ABLIM1: variants seen among roughly 807,000 people sequenced by gnomAD.
ABLIM1 encodes actin binding LIM protein 1, also known as actin-binding LIM protein 1.
ABLIM1 carries 40 observed loss-of-function variants against 107.0 expected under a neutral mutation model. The observed-to-expected ratio is 0.37, with a 90% CI of 0.29 to 0.49. ABLIM1 has a LOEUF of 0.49. Ranked by LOEUF, ABLIM1 falls within the 20% of genes least tolerant of loss-of-function variation. ABLIM1 has a pLI of 0.97. For missense variants in ABLIM1, 857 were observed against 1,008.5 expected (o/e 0.85, Z 2.04); for synonymous variants, 357 against 357.3 (o/e 1.00, Z 0.01).
At chr10:114,575,709 G>T in intron 2 of ABLIM1, 110 bp from the exon 3 acceptor site, 1 of 1,166,778 alleles carries the variant, frequency 8.6e-7, no homozygotes, top group Non-Finnish European at 1.2e-6. Flanking sequence ...ATGGTTTGGG[G>T]CTAGGGAGGG....
chr10:114,511,164 G>A (rs1463124464), intron 6 of ABLIM1, among the ~76,000 whole-genome samples: 3 of 151,986 alleles, frequency 2.0e-5, no homozygotes. Context: ...AGAATGAAAT[G>A]TTAAATTCTT....
At chr10:114,643,809 C>T (rs1295402530) in intron 1 of ABLIM1, among the ~76,000 whole-genome samples, 1 of 152,004 alleles carries the variant, frequency 6.6e-6, no homozygotes, top group East Asian at 1.9e-4. Context: ...CTTCTGGGCT[C>T]AAGCAATCCT....
At chr10:114,597,123 G>A (rs2075494013) in intron 2 of ABLIM1, among the ~76,000 whole-genome samples, 2 of 152,156 alleles carry the variant, frequency 1.3e-5, no homozygotes, top group Non-Finnish European at 1.5e-5. Context: ...CCCGAACATC[G>A]CCACTCTAGG....
At chr10:114,454,011 T>C (rs943132583) in intron 12 of ABLIM1, among the ~76,000 whole-genome samples, 3 of 152,226 alleles carry the variant, frequency 2.0e-5, no homozygotes, top group Non-Finnish European at 4.4e-5. Flanking sequence ...GTGCCTTCAA[T>C]TGCAGCGTGT....
chr10:114,741,032 C>CA (rs1184076703), intron 1 of ABLIM1, among the ~76,000 whole-genome samples: 233 of 131,052 alleles, frequency 1.8e-3, no homozygotes, highest in Middle Eastern at 3.9e-3. Flanking sequence ...GATCCTGTCT[C>CA]AAAAAAAAAA....
rs59512036 is a variant in ABLIM1, at chr10:114,486,290, A to T, written c.1041+1668T>A. Among the ~76,000 whole-genome samples the T allele has an allele frequency of 7.6e-3, 1,164 of 152,278 alleles. 20 individuals carry two copies. Among genetic ancestry groups the T allele is most frequent in the African/African-American group, 0.026 (1,089 of 41,550 alleles). ...ACATTCCACTCAGTCTGGCCTCATT[A>T]GCATTCCTCTCTTCATCTCCCAAAC... is the stretch of plus-strand genomic sequence containing the variant. On this transcript the variant is annotated intron_variant, in intron 8 of 22. Transcript: ENST00000533213.
chr10:114,674,700 T>C (rs1022571834), intron 1 of ABLIM1, among the ~76,000 whole-genome samples: 2 of 151,068 alleles, frequency 1.3e-5, no homozygotes, highest in Non-Finnish European at 2.9e-5. Context: ...ATCTTAATAA[T>C]TGTTATTCTT....
In ABLIM1 at chr10:114,561,777, A is replaced by G. The variant is rs985299969; in HGVS notation, c.673+9520T>C. Among the ~76,000 whole-genome samples, 6 of 152,232 alleles carry G rather than the reference A, an allele frequency of 3.9e-5. No individual in the cohort carries two copies. In the East Asian group the frequency reaches 1.2e-3, roughly 29 times the overall value. ...TCACATAAGACATATAACTGCTGAA[A>G]CAAAAACAGCAAATAACAAAATGCC... On this transcript the variant is annotated intron_variant, in intron 4 of 22. Coordinates refer to ENST00000533213, the MANE Select transcript of ABLIM1 (RefSeq NM_002313.7).
At chr10:114,776,293 G>A in the ABLIM1 span, 4 of 151,868 alleles carry the variant, frequency 2.6e-5, no homozygotes, top group Non-Finnish European at 4.4e-5. Flanking sequence ...ACCTTTGAAG[G>A]TAAAGCATAT....
rs181927836 is a variant in ABLIM1 at position 114,676,732 on chromosome 10, A to G, written c.64+7558T>C. 3.5e-4 allele frequency among the ~76,000 whole-genome samples: 54 copies of G among 152,170 alleles called. 2 individuals carry two copies. The highest frequency in any genetic ancestry group is 1.9e-4 in the East Asian group (1 of 5,150). On this transcript the variant is annotated intron_variant, in intron 1 of 23. Transcript: ENST00000369256. ...GGTTTTATTTTAATCATATGTATAT[A>G]AAATCAGTATGAAGCTTTTTTCTTT...
chr10:114,744,516 T>C (rs974422893), intron 1 of ABLIM1, among the ~76,000 whole-genome samples: 2 of 152,196 alleles, frequency 1.3e-5, no homozygotes, highest in Non-Finnish European at 2.9e-5. Context: ...CATGGTGGCA[T>C]GCGCCTGGTG....
rs540671848 is a variant in ABLIM1 at position 114,525,667 on chromosome 10, C to G, written c.894+19338G>C. Among the ~76,000 whole-genome samples, 4 of 152,298 alleles carry G rather than the reference C, an allele frequency of 2.6e-5. No homozygotes were observed. The East Asian group carries it at 7.7e-4, about 29-fold the overall frequency. On this transcript the variant is annotated intron_variant, in intron 6 of 22. Coordinates refer to ENST00000533213, the MANE Select transcript of ABLIM1 (RefSeq NM_002313.7). ...AGTTATTTTCACTTACTTGTCAGAA[C>G]CTGTTTTGGTAATCTAAATAACTTC...
intron 3 of ABLIM1, among the ~76,000 whole-genome samples, chr10:114,574,302 C>G (rs1046723464): frequency 6.6e-6 from 1 of 152,150 alleles, no homozygotes; most frequent in Non-Finnish European, 1.5e-5. Flanking sequence ...TGGTGAGTCT[C>G]CTAGTTACAG....
At chr10:114,763,145 A>G (rs1222769907) in intron 1 of ABLIM1, among the ~76,000 whole-genome samples, 2 of 152,174 alleles carry the variant, frequency 1.3e-5, no homozygotes, top group Non-Finnish European at 2.9e-5. Flanking sequence ...TGTGTCTTGC[A>G]TGGTGTATGT....
chr10:114,480,637 G>A (rs975572835), intron 8 of ABLIM1, among the ~76,000 whole-genome samples: 42 of 152,302 alleles, frequency 2.8e-4, no homozygotes, highest in African/African-American at 9.6e-4. Context: ...GGTAGTGATC[G>A]CTCAGAGTAT....
chr10:114,581,130 T>C (rs1465943094), intron 2 of ABLIM1, among the ~76,000 whole-genome samples: 1 of 152,064 alleles, frequency 6.6e-6, no homozygotes, highest in Non-Finnish European at 1.5e-5. Flanking sequence ...AACATGTACA[T>C]CCAAGAAATT....
At chr10:114,680,155 C>CT (rs34297577) in intron 1 of ABLIM1, among the ~76,000 whole-genome samples, 68,488 of 152,044 alleles carry the variant, frequency 0.45, 17,158 homozygotes, top group South Asian at 0.61. Context: ...AGATGGAACT[C>CT]TAATTGCCAA....
exon 1 of ABLIM1, chr10:114,684,481 C>G: frequency 6.9e-7 from 1 of 1,458,346 alleles, no homozygotes; most frequent in Middle Eastern, 2.5e-4. Flanking sequence ...GAACTGGACC[C>G]GAGGGAGGGG....
At chr10:114,617,035 C>T (rs1010494305) in intron 1 of ABLIM1, among the ~76,000 whole-genome samples, 4 of 152,122 alleles carry the variant, frequency 2.6e-5, no homozygotes, top group African/African-American at 7.2e-5. Flanking sequence ...TTTATAAACA[C>T]GACTTACTTT....
Sources: gnomAD v4.1 joint callset for allele counts (sites outside exome capture counted in the v4.1 genomes callset) on GRCh38, gnomAD v4.1.1 for gene constraint, MANE v1.5 for transcripts, NCBI Gene and HGNC (gene_info 2026-07-23, HGNC 2026-07-21) for gene names.